PADI1: variants seen among roughly 807,000 people sequenced by gnomAD.
The protein encoded by PADI1 is peptidyl arginine deiminase 1.
Under a neutral mutation model 74.8 loss-of-function variants are expected in PADI1, and 65 were observed. The observed-to-expected ratio is 0.87, with a 90% CI of 0.71 to 1.07. The LOEUF (loss-of-function observed/expected upper bound fraction) is 1.07. Ranked by LOEUF, PADI1 falls within the 50% of genes least tolerant of loss-of-function variation. The pLI is 0.00. For missense variants in PADI1, 943 were observed against 854.0 expected (o/e 1.10, Z -1.30); for synonymous variants, 371 against 336.2 (o/e 1.10, Z -1.13).
chr1:17,235,310 G>A (rs544122738), intron 11 of PADI1, among the ~76,000 whole-genome samples: 1 of 151,806 alleles, frequency 6.6e-6, no homozygotes, highest in African/African-American at 2.4e-5. Flanking sequence ...AAGGAAGGAG[G>A]CAAAGTAGTG....
intron 1 of PADI1, among the ~76,000 whole-genome samples, chr1:17,210,144 TTTTTA>T (rs749851324): frequency 2.0e-5 from 3 of 151,870 alleles, no homozygotes; most frequent in Non-Finnish European, 4.4e-5. Flanking sequence ...CCTGCCTAAG[TTTTTA>T]TTTTATTTTA....
intron 6 of PADI1, among the ~76,000 whole-genome samples, chr1:17,226,895 A>G (rs1286172040): frequency 6.6e-6 from 1 of 152,102 alleles, no homozygotes; most frequent in African/African-American, 2.4e-5. Context: ...TAAAAAATAC[A>G]AAAAAATTAG....
rs1395780765 is a variant in PADI1, at chr1:17,245,468, G to A, written c.*1225G>A. 6.6e-6 allele frequency: 1 copy of A among 152,518 alleles called. No homozygotes were observed. Among genetic ancestry groups the A allele is most frequent in the African/African-American group, 2.4e-5 (1 of 41,452 alleles). 9.4% of individuals were successfully genotyped at this position (152,518 alleles called of 1,614,324 possible). On this transcript the variant is annotated 3_prime_UTR_variant, in exon 16 of 16. Transcript: ENST00000375471. This position sits in a 1 kb window ranked among gnomAD's most constrained non-coding sequence, Gnocchi z 4.1. ...CTGGGCTGCAGGGCACGGGCAGGAG[G>A]AAGCCAGCCTACCCTCTTCCCCCAC...
chr1:17,230,732 G>T (rs1465815504), intron 10 of PADI1, 53 bp downstream of exon 10: 1 of 1,021,468 alleles, frequency 9.8e-7, no homozygotes, highest in African/African-American at 1.6e-5. Context: ...TCCTGGAGGC[G>T]CACCAGTGAA....
intron 12 of PADI1, 63 bp downstream of exon 12, chr1:17,237,521 A>G: frequency 2.7e-6 from 4 of 1,478,462 alleles, no homozygotes; most frequent in Non-Finnish European, 3.6e-6. Flanking sequence ...GGGATGAGTC[A>G]GGGCAAAGCC....
chr1:17,238,275 C>T (rs1024784163), intron 12 of PADI1, among the ~76,000 whole-genome samples: 1 of 152,250 alleles, frequency 6.6e-6, no homozygotes, highest in African/African-American at 2.4e-5. Flanking sequence ...CTCCTGACTG[C>T]AGGTGATCTG....
intron 15 of PADI1, among the ~76,000 whole-genome samples, chr1:17,242,278 A>G (rs1309561514): frequency 6.6e-6 from 1 of 151,818 alleles, no homozygotes; most frequent in Non-Finnish European, 1.5e-5. Flanking sequence ...GCTTGAAGGC[A>G]GTGTTGTCTG....
chr1:17,217,652 C>T (rs1188508685), intron 1 of PADI1, among the ~76,000 whole-genome samples: 1 of 152,156 alleles, frequency 6.6e-6, no homozygotes, highest in Non-Finnish European at 1.5e-5. Flanking sequence ...TGCATTTTAC[C>T]ATTGTCCAGA....
chr1:17,242,528 A>G (rs942686638), intron 15 of PADI1, among the ~76,000 whole-genome samples: 12 of 152,100 alleles, frequency 7.9e-5, no homozygotes, highest in Non-Finnish European at 1.5e-4. Flanking sequence ...CCTAGGCTGG[A>G]GCGTGTGTGT....
Position 17,230,566 on chromosome 1 carries a change from T to G in PADI1, c.1054-6T>G. The G allele has an allele frequency of 6.3e-7, 1 of 1,593,600 alleles. No individual in the cohort carries two copies. Reference sequence around the variant, plus strand: ...CACTGTGGCTTTTTCATCTCTCCCCTCCCAGGACGAGATGGAGTTTGGCTA... The same window carrying G: ...CACTGTGGCTTTTTCATCTCTCCCCGCCCAGGACGAGATGGAGTTTGGCTA... On this transcript the variant is annotated splice_polypyrimidine_tract_variant and splice_region_variant and intron_variant, in intron 9 of 15. Coordinates refer to ENST00000375471, the MANE Select transcript of PADI1 (RefSeq NM_013358.3).
At chr1:17,240,876 G>A in intron 15 of PADI1, 116 bp downstream of exon 15, 1 of 1,142,262 alleles carries the variant, frequency 8.8e-7, no homozygotes, top group Non-Finnish European at 1.2e-6. Context: ...CCTCTCCAGT[G>A]TCTGTTTTTG....
chr1:17,239,594 C>A, intron 13 of PADI1, 110 bp from the exon 14 acceptor site: 6 of 791,924 alleles, frequency 7.6e-6, no homozygotes, highest in Non-Finnish European at 1.3e-5. Flanking sequence ...GGCTTCTGAC[C>A]CTGGCACTGA....
intron 1 of PADI1, among the ~76,000 whole-genome samples, chr1:17,214,226 C>T (rs1254919531): frequency 2.0e-5 from 3 of 152,132 alleles, no homozygotes; most frequent in Non-Finnish European, 4.4e-5. Context: ...GGAGGAAAAT[C>T]GAGGCAGTTG....
intron 1 of PADI1, among the ~76,000 whole-genome samples, chr1:17,214,581 T>C (rs1203031792): frequency 6.6e-6 from 1 of 152,046 alleles, no homozygotes; most frequent in East Asian, 1.9e-4. Flanking sequence ...GTTGGTTAGG[T>C]CTGGGGGCTA....
chr1:17,231,399 C>T (rs148592457), intron 10 of PADI1, among the ~76,000 whole-genome samples: 2 of 152,318 alleles, frequency 1.3e-5, no homozygotes, highest in Non-Finnish European at 2.9e-5. Context: ...CACTACCCCT[C>T]GAGGTGAGTC....
chr1:17,217,718 A>G, intron 1 of PADI1, among the ~76,000 whole-genome samples: 1 of 152,236 alleles, frequency 6.6e-6, no homozygotes, highest in East Asian at 1.9e-4. Flanking sequence ...TGAAACTCTG[A>G]GTCCAATGAT....
intron 1 of PADI1, 102 bp from the exon 2 acceptor site, chr1:17,222,188 C>T (rs2072172985): frequency 2.6e-6 from 2 of 776,250 alleles, no homozygotes; most frequent in Admixed American, 2.5e-5. Context: ...TGAGGGGTGC[C>T]ATTTGAACGG....
At chr1:17,231,641 A>T (rs988548731) in intron 10 of PADI1, among the ~76,000 whole-genome samples, 3 of 151,746 alleles carry the variant, frequency 2.0e-5, no homozygotes, top group Non-Finnish European at 4.4e-5. Context: ...GAGCCAGGGG[A>T]TTTTTTCACT....
intron 11 of PADI1, among the ~76,000 whole-genome samples, chr1:17,235,352 C>A (rs141682281): frequency 6.8e-6 from 1 of 147,804 alleles, no homozygotes; most frequent in Admixed American, 6.8e-5. Flanking sequence ...CAGAGGGAAG[C>A]GCTCAGGCAG....
Sources: allele counts gnomAD v4.1 joint callset (sites outside exome capture counted in the v4.1 genomes callset), GRCh38; gene constraint gnomAD v4.1.1; non-coding constraint Gnocchi (gnomAD v3.1); transcripts MANE v1.5; gene names NCBI Gene and HGNC (gene_info 2026-07-23, HGNC 2026-07-21).